The following OSBPL9 variants were observed in gnomAD, a reference collection of about 807,000 sequenced individuals.
OSBPL9 encodes the protein oxysterol-binding protein-related protein 9.
In OSBPL9, 40 loss-of-function variants were observed where a neutral mutation model predicts 106.6. The observed-to-expected ratio is 0.38, with a 90% confidence interval of 0.29 to 0.49. The LOEUF is 0.49. OSBPL9 is among the 20% of genes least tolerant of loss of function. OSBPL9 has a pLI of 0.97. For synonymous variants in OSBPL9, 269 were observed against 295.4 expected, an observed-to-expected ratio of 0.91 and a Z score of 0.92; for missense variants, 609 against 887.2, an observed-to-expected ratio of 0.69 and a Z score of 3.98.
intron 3 of OSBPL9, among the ~76,000 whole-genome samples, chr1:51,698,699 G>C (rs1451972255): frequency 1.3e-5 from 2 of 152,058 alleles, no homozygotes; most frequent in East Asian, 3.9e-4. Context: ...GGGAAGAGGA[G>C]TTAACTTTAT....
At chr1:51,598,992 CAA>C (rs986127011) in intron 2 of OSBPL9, among the ~76,000 whole-genome samples, 197 of 66,886 alleles carry the variant, frequency 2.9e-3, no homozygotes, top group African/African-American at 8.5e-3. Flanking sequence ...GACTCTGTCT[CAA>C]AAAAAAAAAA....
At chr1:51,709,621 A>C (rs749769961) in intron 3 of OSBPL9, 4 of 152,726 alleles carry the variant, frequency 2.6e-5, no homozygotes, top group Admixed American at 2.6e-4. Context: ...ATCCATATGT[A>C]CTGGGCAACC....
intron 1 of OSBPL9, among the ~76,000 whole-genome samples, chr1:51,582,475 G>A (rs376174826): frequency 6.6e-6 from 1 of 152,016 alleles, no homozygotes; most frequent in Non-Finnish European, 1.5e-5. Context: ...TTACAGGCAC[G>A]CACCACCATG....
At chr1:51,620,415 C>T (rs1644352005) in intron 1 of OSBPL9, among the ~76,000 whole-genome samples, 1 of 151,846 alleles carries the variant, frequency 6.6e-6, no homozygotes, top group South Asian at 2.1e-4. Context: ...TCTCATGGTA[C>T]CTATAATATG....
At chr1:51,685,681 A>T (rs1653635196) in intron 3 of OSBPL9, among the ~76,000 whole-genome samples, 2 of 152,176 alleles carry the variant, frequency 1.3e-5, no homozygotes, top group Non-Finnish European at 2.9e-5. Context: ...TACAGGCGTG[A>T]TTCACTGCAC....
chr1:51,752,618 C>T (rs548787003), intron 8 of OSBPL9: 241 of 450,770 alleles, frequency 5.3e-4, no homozygotes, highest in African/African-American at 4.1e-3. Flanking sequence ...ATTTTCTCAC[C>T]GTTCTGGAAG....
the OSBPL9 span, among the ~76,000 whole-genome samples, chr1:51,521,838 A>G: frequency 1.3e-5 from 2 of 151,980 alleles, no homozygotes; most frequent in Non-Finnish European, 2.9e-5. Flanking sequence ...GCTCACTGCA[A>G]CCTCCACCTC....
intron 3 of OSBPL9, among the ~76,000 whole-genome samples, chr1:51,688,262 C>G (rs916997288): frequency 6.6e-6 from 1 of 152,030 alleles, no homozygotes; most frequent in Non-Finnish European, 1.5e-5. Flanking sequence ...AAAGAAATAC[C>G]TTTTCTAGCT....
At chr1:51,600,593 T>C (rs1219862384) in intron 2 of OSBPL9, among the ~76,000 whole-genome samples, 1 of 152,204 alleles carries the variant, frequency 6.6e-6, no homozygotes, top group Non-Finnish European at 1.5e-5. Context: ...CTGTAAGTAT[T>C]ATGGGCCCTA....
chr1:51,672,373 A>T (rs1224217509), intron 3 of OSBPL9, among the ~76,000 whole-genome samples: 1 of 152,226 alleles, frequency 6.6e-6, no homozygotes, highest in Non-Finnish European at 1.5e-5. Context: ...ATACAATAAA[A>T]TGTACACAAT....
At chr1:51,636,791 A>AAAATAAATAAAT (rs546021685) in intron 1 of OSBPL9, among the ~76,000 whole-genome samples, 2 of 151,684 alleles carry the variant, frequency 1.3e-5, no homozygotes, top group African/African-American at 4.8e-5. Flanking sequence ...CTCTACTTTA[A>AAAATAAATAAAT]AAATAAATAA....
intron 3 of OSBPL9, among the ~76,000 whole-genome samples, chr1:51,696,547 A>G (rs773115674): frequency 1.1e-4 from 16 of 152,196 alleles, no homozygotes; most frequent in South Asian, 2.1e-4. Context: ...ACGTAAGATA[A>G]TGTCCAACAA....
At chr1:51,739,961 TAAGA>T (rs1666530759) in intron 4 of OSBPL9, among the ~76,000 whole-genome samples, 1 of 152,016 alleles carries the variant, frequency 6.6e-6, no homozygotes, top group South Asian at 2.1e-4. Flanking sequence ...CTTAAATTTC[TAAGA>T]AAGGCCATTA....
upstream of OSBPL9, among the ~76,000 whole-genome samples, chr1:51,616,003 G>GTTTTTTTTTTTTTTTTT (rs764823727): frequency 1.9e-5 from 2 of 104,496 alleles, no homozygotes; most frequent in African/African-American, 3.6e-5. Context: ...AAATCCTTTG[G>GTTTTTTTTTTTTTTTTT]TTTTTTTTTT....
chr1:51,545,386 C>T, the OSBPL9 span, among the ~76,000 whole-genome samples: 8 of 151,924 alleles, frequency 5.3e-5, no homozygotes, highest in East Asian at 1.9e-4. Flanking sequence ...ACAAACATGG[C>T]GAAACTCTGT....
At chr1:51,726,479 A>G (rs1663144532) in intron 4 of OSBPL9, among the ~76,000 whole-genome samples, 1 of 152,136 alleles carries the variant, frequency 6.6e-6, no homozygotes, top group African/African-American at 2.4e-5. Context: ...ATTAGAGCAG[A>G]ATGTGATTTC....
chr1:51,730,235 A>G, intron 4 of OSBPL9: 2 of 1,068,120 alleles, frequency 1.9e-6, no homozygotes, highest in Non-Finnish European at 2.4e-6. Context: ...CCGAGAGGGC[A>G]TTCGCCCCCA....
chr1:51,695,850 T>C (rs1167052571), intron 3 of OSBPL9, among the ~76,000 whole-genome samples: 1 of 152,222 alleles, frequency 6.6e-6, no homozygotes, highest in Non-Finnish European at 1.5e-5. Context: ...AAATGCTCAA[T>C]AGGTTTAGCT....
In OSBPL9 at chr1:51,765,957, G is replaced by T. The variant is rs1462431440; in HGVS notation, c.914G>T (p.Gly305Val). The change falls in exon 12 of 24, where the codon GGC (glycine) becomes GTC (valine). Residue 305 changes from glycine (G) to valine (V), a missense_variant. By Grantham distance (109) the Gly-to-Val change is moderately radical (BLOSUM62 -3). This residue lies in a region of OSBPL9 where 356 missense variants were observed against 505.8 expected (regional missense o/e 0.70). Coordinates refer to ENST00000428468, the MANE Select transcript of OSBPL9 (RefSeq NM_024586.6). ...GATGCTGATGAATTCCATCAAAGTG[G>T]CTCATCCCCAAAGCGCTTAATAGAG... ...FYDADEFHQS[G>V]SSPKRLIDSS... 1 of 1,613,766 alleles carries T rather than the reference G, an allele frequency of 6.2e-7. No individual in the cohort carries two copies. The highest frequency in any genetic ancestry group is 1.3e-5 in the African/African-American group (1 of 75,018).
Sources: gnomAD v4.1 joint callset for allele counts (sites outside exome capture counted in the v4.1 genomes callset) on GRCh38, gnomAD v4.1.1 for gene constraint, gnomAD v4.1.1 regional missense constraint, MANE v1.5 for transcripts, NCBI Gene and HGNC (gene_info 2026-07-23, HGNC 2026-07-21) for gene names.